Variants in STK32B observed in about 807,000 individuals in gnomAD.
STK32B encodes the protein serine/threonine-protein kinase 32B.
STK32B carries 43 observed loss-of-function variants against 52.6 expected under a neutral mutation model. The observed-to-expected ratio is 0.82, with a 90% CI of 0.64 to 1.05. The LOEUF (loss-of-function observed/expected upper bound fraction) is 1.05, where lower values mean the gene tolerates loss of function less well. STK32B is among the 50% of genes least tolerant of loss of function. The probability of loss-of-function intolerance (pLI) is 0.00; values close to 1 mark genes in which losing one functional copy is unlikely to be tolerated. For synonymous variants in STK32B, 238 were observed against 204.3 expected (o/e 1.17, Z -1.41); for missense variants, 621 against 534.6 (o/e 1.16, Z -1.59).
intron 3 of STK32B, among the ~76,000 whole-genome samples, chr4:5,237,511 T>C (rs78497601): frequency 0.018 from 2,774 of 152,290 alleles, 88 homozygotes; most frequent in African/African-American, 0.062. Flanking sequence ...CTGGATTTTA[T>C]TGTTGGGAAA....
intron 7 of STK32B, among the ~76,000 whole-genome samples, chr4:5,455,147 CT>C (rs199874644): frequency 0.056 from 8,602 of 152,278 alleles, 461 homozygotes; most frequent in African/African-American, 0.14. Context: ...TCTCCAGGGC[CT>C]CCTGTTTGGT....
At chr4:5,159,394 C>G (rs1402081886) in intron 2 of STK32B, among the ~76,000 whole-genome samples, 1 of 150,868 alleles carries the variant, frequency 6.6e-6, no homozygotes, top group Non-Finnish European at 1.5e-5. Flanking sequence ...CTGGCTGGCT[C>G]ATTACCAGAT....
chr4:5,106,826 T>C (rs1381474217), intron 1 of STK32B, among the ~76,000 whole-genome samples: 4 of 152,240 alleles, frequency 2.6e-5, no homozygotes, highest in Non-Finnish European at 5.9e-5. Flanking sequence ...ATTGCTTCCT[T>C]GTGGTGTCTT....
chr4:5,360,736 G>A (rs965545198), intron 4 of STK32B, among the ~76,000 whole-genome samples: 4 of 152,160 alleles, frequency 2.6e-5, no homozygotes. Context: ...AACCAGGGAG[G>A]TGGAGGACGC....
chr4:5,333,758 C>G (rs1301106328), intron 4 of STK32B, among the ~76,000 whole-genome samples: 2 of 152,060 alleles, frequency 1.3e-5, no homozygotes, highest in Non-Finnish European at 2.9e-5. Flanking sequence ...GCTTGTTTTT[C>G]TCAGGTTTGT....
intron 1 of STK32B, among the ~76,000 whole-genome samples, chr4:5,118,418 T>G (rs1391127481): frequency 2.0e-5 from 3 of 152,228 alleles, no homozygotes; most frequent in Non-Finnish European, 4.4e-5. Context: ...TACACAAACC[T>G]TTTCTTGGAT....
chr4:5,446,861 C>G, intron 7 of STK32B, 85 bp downstream of exon 7: 1 of 1,385,532 alleles, frequency 7.2e-7, no homozygotes, highest in South Asian at 1.2e-5. Context: ...TCGGCAGGGC[C>G]CGCGGTGCAG....
chr4:5,077,604 T>C (rs988873625), intron 1 of STK32B, among the ~76,000 whole-genome samples: 15 of 152,192 alleles, frequency 9.9e-5, no homozygotes, highest in African/African-American at 3.1e-4. Context: ...TCTCTTCTCT[T>C]CTCCCTTGCA....
chr4:5,376,232 A>G (rs1297761277), intron 4 of STK32B, among the ~76,000 whole-genome samples: 2 of 152,186 alleles, frequency 1.3e-5, no homozygotes, highest in Non-Finnish European at 2.9e-5. Flanking sequence ...AACACGTGCT[A>G]TAGGAGTTCC....
chr4:5,220,379 T>C (rs1050722727), intron 3 of STK32B, among the ~76,000 whole-genome samples: 3 of 152,182 alleles, frequency 2.0e-5, no homozygotes, highest in African/African-American at 7.2e-5. Context: ...GACAGTGTGA[T>C]GAGTGCTAAG....
chr4:5,373,638 C>T (rs1334253651), intron 4 of STK32B, among the ~76,000 whole-genome samples: 1 of 152,172 alleles, frequency 6.6e-6, no homozygotes, highest in Non-Finnish European at 1.5e-5. Flanking sequence ...TGCATAGCAG[C>T]CCACACACCT....
In STK32B at chr4:5,248,441, A is replaced by G. The variant is rs997083012; in HGVS notation, c.260+79991A>G. On this transcript the variant is annotated intron_variant, in intron 3 of 11. Transcript: ENST00000282908. The stretch of plus-strand genomic sequence containing the variant: ...GTAGATGTTCATTATTTTGCTAAGA[A>G]AGAAACACGTATTTCCATTTGATTT... 3.3e-5 allele frequency among the ~76,000 whole-genome samples: 5 copies of G among 152,338 alleles called. No individual in the cohort carries two copies. The South Asian group carries it at 1.0e-3, about 32-fold the overall frequency.
At chr4:5,299,908 A>C (rs1729444890) in intron 3 of STK32B, among the ~76,000 whole-genome samples, 1 of 152,196 alleles carries the variant, frequency 6.6e-6, no homozygotes, top group Non-Finnish European at 1.5e-5. Flanking sequence ...CCAAAAATTA[A>C]GGAGGATGGA....
chr4:5,090,522 C>A (rs1713018074), intron 1 of STK32B, among the ~76,000 whole-genome samples: 1 of 151,810 alleles, frequency 6.6e-6, no homozygotes, highest in South Asian at 2.1e-4. Flanking sequence ...ACTACAGGTG[C>A]CTGACTAATT....
chr4:5,491,652 C>A (rs1451398817), intron 11 of STK32B, among the ~76,000 whole-genome samples: 1 of 151,882 alleles, frequency 6.6e-6, no homozygotes. Flanking sequence ...AAGTCCTTGC[C>A]CATGCCTATA....
intron 8 of STK32B, among the ~76,000 whole-genome samples, chr4:5,459,315 G>T (rs1358987543): frequency 7.0e-6 from 1 of 143,500 alleles, no homozygotes; most frequent in East Asian, 2.2e-4. Flanking sequence ...GTATGTGCCA[G>T]GTCCTTACCA....
intron 3 of STK32B, among the ~76,000 whole-genome samples, chr4:5,172,210 T>A (rs548094389): frequency 1.3e-5 from 2 of 152,294 alleles, no homozygotes; most frequent in Non-Finnish European, 2.9e-5. Flanking sequence ...GATTTTGGGC[T>A]GAGACAATGG....
At chr4:5,221,181 T>C (rs1420953026) in intron 3 of STK32B, among the ~76,000 whole-genome samples, 1 of 152,230 alleles carries the variant, frequency 6.6e-6, no homozygotes, top group Non-Finnish European at 1.5e-5. Context: ...ATCTGCTCTA[T>C]AGATCCAATT....
At chr4:5,050,812 C>G (rs1448976715), upstream of STK32B, among the ~76,000 whole-genome samples, 2 of 152,284 alleles carry the variant, frequency 1.3e-5, no homozygotes, top group East Asian at 3.9e-4. Context: ...TCCAGGCTCC[C>G]GCCGCAGGAG....
Sources: allele counts gnomAD v4.1 joint callset (sites outside exome capture counted in the v4.1 genomes callset), GRCh38; gene constraint gnomAD v4.1.1; transcripts MANE v1.5; gene names NCBI Gene and HGNC (gene_info 2026-07-23, HGNC 2026-07-21).